The following KIF25 variants were observed in gnomAD, a reference collection of about 807,000 sequenced individuals.
KIF25 encodes kinesin family member 25.
KIF25 carries 19 observed loss-of-function variants against 32.9 expected under a neutral mutation model. That is an observed-to-expected ratio of 0.58 (90% CI 0.40 to 0.85). The LOEUF (loss-of-function observed/expected upper bound fraction) is 0.85, where lower values mean the gene tolerates loss of function less well. Among genes scored for constraint, KIF25 ranks in the 40% least tolerant of loss-of-function variants. KIF25 has a pLI of 0.00. For synonymous variants in KIF25, 225 were observed against 213.7 expected (o/e 1.05, Z -0.46); for missense variants, 485 against 507.0 (o/e 0.96, Z 0.42).
intron 2 of KIF25, among the ~76,000 whole-genome samples, chr6:168,000,158 C>T (rs1583120785): frequency 1.7e-5 from 2 of 119,144 alleles, no homozygotes; most frequent in Admixed American, 7.8e-5. Context: ...ATCCTGTCTA[C>T]ACCTGACCCT....
intron 8 of KIF25, among the ~76,000 whole-genome samples, chr6:168,034,554 T>C (rs1001807393): frequency 2.0e-5 from 3 of 152,120 alleles, no homozygotes; most frequent in Non-Finnish European, 2.9e-5. Flanking sequence ...TCTCCCTGCC[T>C]GGCTAAGACA....
intron 9 of KIF25, 82 bp downstream of exon 9, chr6:168,038,811 G>T: frequency 7.1e-7 from 1 of 1,408,668 alleles, no homozygotes; most frequent in Non-Finnish European, 9.8e-7. Context: ...GAGGCTGCAC[G>T]TCTCTAAACG....
At chr6:168,039,148 CAAAATT>C (rs1799079342) in intron 9 of KIF25, among the ~76,000 whole-genome samples, 1 of 151,934 alleles carries the variant, frequency 6.6e-6, no homozygotes, top group African/African-American at 2.4e-5. Context: ...TTTTTACAAT[CAAAATT>C]AAAATAAATA....
rs950351863 is a variant in KIF25, at chr6:168,016,162, G to C, written c.-162-1811G>C. ...TAGGGACTGGGAGGTCTGTTCTTAT[G>C]GCGAGGCCAGGGGCTTGGTCCTGGC... On this transcript the variant is annotated intron_variant, in intron 4 of 12. Coordinates refer to ENST00000643607, the MANE Select transcript of KIF25 (RefSeq NM_030615.4). Among the ~76,000 whole-genome samples, 13 of 152,142 alleles carry C rather than the reference G, an allele frequency of 8.5e-5. No homozygotes were observed. In the East Asian group the frequency reaches 2.1e-3, roughly 25 times the overall value.
chr6:168,011,144 G>A lies in KIF25; in HGVS notation c.-162-6829G>A, dbSNP rs1267851804. On this transcript the variant is annotated intron_variant, in intron 4 of 12. Transcript: ENST00000643607. ...TATTAATAGGTGAGGACTTACTCTT[G>A]TCATTTTATTGACTGCTTTTTGATT... Among the ~76,000 whole-genome samples, 4 of 152,010 alleles carry A rather than the reference G, an allele frequency of 2.6e-5. No homozygotes were observed. In the East Asian group the frequency reaches 7.7e-4, roughly 29 times the overall value.
At chr6:168,040,501 G>A (rs1799103165) in intron 10 of KIF25, among the ~76,000 whole-genome samples, 2 of 152,116 alleles carry the variant, frequency 1.3e-5, no homozygotes, top group Non-Finnish European at 2.9e-5. Flanking sequence ...AGGAGGCAGA[G>A]GTTGCGATGA....
chr6:168,003,138 G>T (rs757208296), intron 3 of KIF25, among the ~76,000 whole-genome samples: 2 of 152,122 alleles, frequency 1.3e-5, no homozygotes, highest in African/African-American at 2.4e-5. Flanking sequence ...TATCACCACC[G>T]CTCTAAACTG....
chr6:168,032,734 C>T (rs991381157), intron 7 of KIF25, among the ~76,000 whole-genome samples: 17 of 152,164 alleles, frequency 1.1e-4, no homozygotes, highest in African/African-American at 3.6e-4. Flanking sequence ...GGGTACACCA[C>T]GTTAAACCGG....
intron 5 of KIF25, among the ~76,000 whole-genome samples, chr6:168,027,210 T>C (rs1341435099): frequency 6.6e-6 from 1 of 151,964 alleles, no homozygotes; most frequent in African/African-American, 2.4e-5. Context: ...CCTAGCACTT[T>C]GGGAGGCAGA....
chr6:168,022,707 T>C (rs1389591416), intron 5 of KIF25, among the ~76,000 whole-genome samples: 2 of 152,186 alleles, frequency 1.3e-5, no homozygotes, highest in Non-Finnish European at 2.9e-5. Context: ...TTTTGTGTTT[T>C]ATAAGTTTTT....
intron 4 of KIF25, among the ~76,000 whole-genome samples, chr6:168,011,318 G>C (rs183503165): frequency 6.6e-6 from 1 of 152,102 alleles, no homozygotes; most frequent in Admixed American, 6.5e-5. Flanking sequence ...TTTTTATGAT[G>C]GTGGTTATTG....
At chr6:168,035,853 GT>G (rs1235290966) in intron 8 of KIF25, 1 of 441,106 alleles carries the variant, frequency 2.3e-6, no homozygotes, top group African/African-American at 2.0e-5. Flanking sequence ...CACCTTCGTC[GT>G]TTGCAGAAAC....
At chr6:168,031,671 T>C (rs994276264) in intron 7 of KIF25, among the ~76,000 whole-genome samples, 2 of 152,248 alleles carry the variant, frequency 1.3e-5, no homozygotes, top group Non-Finnish European at 1.5e-5. Flanking sequence ...TTGAAAATGA[T>C]AGGGGAGTCT....
chr6:168,026,455 A>G (rs1312588622), intron 5 of KIF25, among the ~76,000 whole-genome samples: 1 of 152,234 alleles, frequency 6.6e-6, no homozygotes, highest in Non-Finnish European at 1.5e-5. Context: ...ATTGTTTAGC[A>G]TTCAGGATCA....
intron 8 of KIF25, 43 bp from the exon 9 acceptor site, chr6:168,038,510 C>T (rs1562391486): frequency 6.2e-7 from 1 of 1,601,658 alleles, no homozygotes; most frequent in South Asian, 1.1e-5. Flanking sequence ...GAAAATCACT[C>T]TGTGAGACTT....
At chr6:168,006,048 G>C (rs1798575585) in intron 4 of KIF25, among the ~76,000 whole-genome samples, 1 of 152,222 alleles carries the variant, frequency 6.6e-6, no homozygotes. Context: ...AAGAGGGGAA[G>C]CTGGAGTGCT....
At chr6:168,019,862 C>T (rs1583133056) in intron 5 of KIF25, among the ~76,000 whole-genome samples, 3 of 152,010 alleles carry the variant, frequency 2.0e-5, no homozygotes, top group Admixed American at 2.0e-4. Context: ...AGGTGGGGCG[C>T]GGTGGCTCAC....
intron 4 of KIF25, among the ~76,000 whole-genome samples, chr6:168,006,548 C>G (rs1798582527): frequency 6.6e-6 from 1 of 152,098 alleles, no homozygotes; most frequent in African/African-American, 2.4e-5. Context: ...TGCTGTTTCC[C>G]CCATTTCTGT....
intron 5 of KIF25, among the ~76,000 whole-genome samples, chr6:168,023,856 A>G (rs1583135466): frequency 6.6e-6 from 1 of 152,238 alleles, no homozygotes; most frequent in Non-Finnish European, 1.5e-5. Flanking sequence ...GAGACAGTGC[A>G]CTTTGCAGAA....
Sources: gnomAD v4.1 joint callset for allele counts (sites outside exome capture counted in the v4.1 genomes callset) on GRCh38, gnomAD v4.1.1 for gene constraint, MANE v1.5 for transcripts, NCBI Gene and HGNC (gene_info 2026-07-23, HGNC 2026-07-21) for gene names.